CMPK1: variants seen among roughly 807,000 people sequenced by gnomAD.
The protein encoded by CMPK1 is cytidine/uridine monophosphate kinase 1.
Under a neutral mutation model 25.7 loss-of-function variants are expected in CMPK1, and 10 were observed. That is an observed-to-expected ratio of 0.39 (90% CI 0.24 to 0.66). The LOEUF (loss-of-function observed/expected upper bound fraction) is 0.66. CMPK1 is among the 30% of genes least tolerant of loss of function. CMPK1 has a pLI of 0.48. For synonymous variants in CMPK1, 106 were observed against 101.5 expected (o/e 1.04, Z -0.27); for missense variants, 199 against 280.5 (o/e 0.71, Z 2.08).
At chr1:47,375,147 A>G (rs771468808) in intron 4 of CMPK1, 50 bp from the exon 5 acceptor site, 11 of 1,426,536 alleles carry the variant, frequency 7.7e-6, no homozygotes, top group South Asian at 7.0e-5. Flanking sequence ...TATAACATGT[A>G]GAAGAAAGGA....
intron 1 of CMPK1, among the ~76,000 whole-genome samples, chr1:47,337,487 T>A (rs969898765): frequency 6.6e-6 from 1 of 152,208 alleles, no homozygotes; most frequent in African/African-American, 2.4e-5. Flanking sequence ...GTTATCTTCT[T>A]TAATGAAAAG....
chr1:47,361,869 C>CT (rs1646605064), intron 1 of CMPK1, among the ~76,000 whole-genome samples: 1 of 122,850 alleles, frequency 8.1e-6, no homozygotes, highest in African/African-American at 3.6e-5. Flanking sequence ...TAAAATACTA[C>CT]TCTTTTTTTT....
chr1:47,343,928 C>G (rs1646463676), intron 1 of CMPK1, among the ~76,000 whole-genome samples: 2 of 151,450 alleles, frequency 1.3e-5, no homozygotes, highest in African/African-American at 4.9e-5. Context: ...ATTAGCTGGG[C>G]CTGGTGGTGC....
At chr1:47,372,872 A>G (rs1646686047) in intron 2 of CMPK1, 83 bp from the exon 3 acceptor site, 3 of 918,534 alleles carry the variant, frequency 3.3e-6, no homozygotes, top group Non-Finnish European at 4.5e-6. Flanking sequence ...AATAATAATA[A>G]AACACCCATG....
At chr1:47,369,030 C>G (rs916972335) in intron 2 of CMPK1, among the ~76,000 whole-genome samples, 1 of 152,136 alleles carries the variant, frequency 6.6e-6, no homozygotes, top group Non-Finnish European at 1.5e-5. Context: ...TGTTTTGAGA[C>G]AGTGTCTTTG....
chr1:47,354,765 A>G (rs998830188), intron 1 of CMPK1, among the ~76,000 whole-genome samples: 2 of 152,122 alleles, frequency 1.3e-5, no homozygotes, highest in Non-Finnish European at 2.9e-5. Flanking sequence ...TTTACAAAAG[A>G]CACTGCTGTA....
chr1:47,338,517 C>CTCCCTCCCTCTCTCCT (rs1557800033), intron 1 of CMPK1, among the ~76,000 whole-genome samples: 2 of 57,332 alleles, frequency 3.5e-5, no homozygotes, highest in Non-Finnish European at 4.7e-5. Flanking sequence ...CCTTCCTTCC[C>CTCCCTCCCTCTCTCCT]TCCCTCCCTC....
intron 1 of CMPK1, among the ~76,000 whole-genome samples, chr1:47,336,715 C>T (rs1646401866): frequency 6.6e-6 from 1 of 152,122 alleles, no homozygotes; most frequent in African/African-American, 2.4e-5. Flanking sequence ...TTGTAGAAAC[C>T]AGGGCTCACT....
intron 1 of CMPK1, among the ~76,000 whole-genome samples, chr1:47,363,929 C>G (rs553228920): frequency 6.6e-6 from 1 of 151,702 alleles, no homozygotes; most frequent in East Asian, 2.0e-4. Flanking sequence ...GGTGATCGAC[C>G]GAGATTCCGT....
intron 1 of CMPK1, among the ~76,000 whole-genome samples, chr1:47,346,334 C>T (rs1268513142): frequency 2.0e-5 from 3 of 151,952 alleles, no homozygotes; most frequent in Non-Finnish European, 4.4e-5. Context: ...AAAGTGGCTC[C>T]CAGGCATGAG....
chr1:47,360,304 AT>A (rs371480277), intron 1 of CMPK1, among the ~76,000 whole-genome samples: 316 of 152,254 alleles, frequency 2.1e-3, no homozygotes, highest in African/African-American at 7.3e-3. Context: ...AAATACTGGA[AT>A]TGACCAATTA....
At chr1:47,342,167 C>T (rs541515220) in intron 1 of CMPK1, among the ~76,000 whole-genome samples, 14 of 151,660 alleles carry the variant, frequency 9.2e-5, no homozygotes, top group African/African-American at 2.4e-4. Flanking sequence ...CTGCAACCTC[C>T]GCCTCCTGGG....
intron 2 of CMPK1, among the ~76,000 whole-genome samples, chr1:47,370,260 C>T (rs746124399): frequency 6.6e-6 from 1 of 151,658 alleles, no homozygotes; most frequent in Admixed American, 6.6e-5. Flanking sequence ...CATTGATGTT[C>T]GCTCAGCCAT....
At chr1:47,349,622 A>G (rs1646507807) in intron 1 of CMPK1, among the ~76,000 whole-genome samples, 1 of 152,228 alleles carries the variant, frequency 6.6e-6, no homozygotes. Context: ...AGAACTTCAC[A>G]GTGGTAACAT....
At chr1:47,373,303 A>G (rs1397074660) in intron 3 of CMPK1, 196 bp downstream of exon 3, 4 of 388,874 alleles carry the variant, frequency 1.0e-5, no homozygotes, top group African/African-American at 8.3e-5. Flanking sequence ...TTGTGGAGCT[A>G]AATTTTCCTT....
intron 1 of CMPK1, among the ~76,000 whole-genome samples, chr1:47,365,894 A>G (rs772987808): frequency 1.6e-4 from 25 of 152,114 alleles, no homozygotes; most frequent in Admixed American, 3.3e-4. Flanking sequence ...ATTTGTCACT[A>G]GAAAATTACT....
At chr1:47,356,017 A>C (rs1646558599) in intron 1 of CMPK1, among the ~76,000 whole-genome samples, 1 of 152,172 alleles carries the variant, frequency 6.6e-6, no homozygotes. Flanking sequence ...TTCTTTGTTC[A>C]AAAGTTTTTA....
rs187667339 is a variant in CMPK1, at chr1:47,344,601, C to T, written c.171+10485C>T. Among the ~76,000 whole-genome samples the T allele has an allele frequency of 5.4e-3, 815 of 151,642 alleles. 10 individuals carry two copies. Among genetic ancestry groups the T allele is most frequent in the African/African-American group, 0.019 (779 of 41,334 alleles). ...GCAACCTCCACTTCCCGGGTTCAAG[C>T]GATTCTCCTGCCTCAGCCTCCCAAG... On this transcript the variant is annotated intron_variant, in intron 1 of 5. Coordinates refer to ENST00000371873, the MANE Select transcript of CMPK1 (RefSeq NM_016308.3).
intron 2 of CMPK1, among the ~76,000 whole-genome samples, chr1:47,369,970 A>G (rs1315089327): frequency 7.4e-6 from 1 of 136,016 alleles, no homozygotes; most frequent in Non-Finnish European, 1.5e-5. Context: ...GCTGGAGTGC[A>G]GTGGCGTGAA....
Sources: gnomAD v4.1 joint callset for allele counts (sites outside exome capture counted in the v4.1 genomes callset) on GRCh38, gnomAD v4.1.1 for gene constraint, MANE v1.5 for transcripts, NCBI Gene and HGNC (gene_info 2026-07-23, HGNC 2026-07-21) for gene names.